The following PCDH15 variants were observed in gnomAD, a reference collection of about 807,000 sequenced individuals.
The protein encoded by PCDH15 is protocadherin related 15.
In PCDH15, 129 loss-of-function variants were observed where a neutral mutation model predicts 178.5. That is an observed-to-expected ratio of 0.72 (90% CI 0.63 to 0.84). PCDH15 has a LOEUF of 0.84. Among genes scored for constraint, PCDH15 ranks in the 40% least tolerant of loss-of-function variants. The pLI is 0.00. For synonymous variants in PCDH15, 800 were observed against 732.0 expected (o/e 1.09, Z -1.50); for missense variants, 2,230 against 2,099.9 (o/e 1.06, Z -1.21).
intron 13 of PCDH15, among the ~76,000 whole-genome samples, chr10:54,171,411 T>C (rs1235466073): frequency 6.6e-6 from 1 of 152,154 alleles, no homozygotes; most frequent in Non-Finnish European, 1.5e-5. Flanking sequence ...TTGAGCGGTA[T>C]AGATGCTCCT....
At position 55,366,416 on chromosome 10, in the gene PCDH15, C is replaced by T. The variant is rs150139019; in HGVS notation, c.-155-199765G>A. Among the ~76,000 whole-genome samples the T allele has an allele frequency of 5.8e-4, 88 of 152,074 alleles. 1 individual carries two copies. In the Middle Eastern group the frequency reaches 0.02, roughly 35 times the overall value. ...TTCCCAAACAATAATAAATTTGAAT[C>T]CATAATGAAACTATTAACATTCCTA... On this transcript the variant is annotated intron_variant, in intron 2 of 5. Coordinates refer to the PCDH15 transcript ENST00000613346.
chr10:54,003,073 A>C (rs552697259), intron 20 of PCDH15, among the ~76,000 whole-genome samples: 11 of 152,286 alleles, frequency 7.2e-5, no homozygotes, highest in African/African-American at 2.6e-4. Context: ...CAGCAGGAAA[A>C]ACTCTTGATT....
chr10:54,325,099 C>T (rs965914176), intron 7 of PCDH15, among the ~76,000 whole-genome samples: 2 of 151,918 alleles, frequency 1.3e-5, no homozygotes, highest in South Asian at 2.1e-4. Flanking sequence ...GCATGGGTGA[C>T]AATATTGCAA....
At chr10:54,885,863 A>G (rs1954349838) in intron 3 of PCDH15, among the ~76,000 whole-genome samples, 1 of 152,116 alleles carries the variant, frequency 6.6e-6, no homozygotes, top group African/African-American at 2.4e-5. Flanking sequence ...AAATGTGAAT[A>G]CACTTTTTTC....
chr10:54,287,716 A>T (rs2059121570), intron 8 of PCDH15, among the ~76,000 whole-genome samples: 1 of 152,208 alleles, frequency 6.6e-6, no homozygotes, highest in Admixed American at 6.5e-5. Flanking sequence ...TGCAATTCTG[A>T]CAAGATTAAT....
intron 1 of PCDH15, among the ~76,000 whole-genome samples, chr10:54,739,023 C>A (rs36059776): frequency 0.049 from 7,524 of 152,104 alleles, 228 homozygotes; most frequent in East Asian, 0.097. Context: ...GGCTAACTTT[C>A]ACCACTCTTA....
At chr10:54,842,722 C>G (rs776786587) in intron 3 of PCDH15, among the ~76,000 whole-genome samples, 1 of 151,768 alleles carries the variant, frequency 6.6e-6, no homozygotes, top group Non-Finnish European at 1.5e-5. Context: ...TGTATACAGT[C>G]AGTAAAATTC....
At chr10:54,974,852 T>C (rs912930854) in intron 2 of PCDH15, among the ~76,000 whole-genome samples, 9 of 152,198 alleles carry the variant, frequency 5.9e-5, no homozygotes, top group African/African-American at 1.7e-4. Context: ...GAGAACTTTT[T>C]CATGCATATT....
chr10:54,740,959 CA>C (rs1178672654), intron 1 of PCDH15, among the ~76,000 whole-genome samples: 1 of 151,790 alleles, frequency 6.6e-6, no homozygotes, highest in African/African-American at 2.4e-5. Flanking sequence ...TTTAATAACA[CA>C]GCAGGAGTAT....
intron 26 of PCDH15, among the ~76,000 whole-genome samples, chr10:53,878,758 C>T (rs1379762400): frequency 6.6e-6 from 1 of 151,888 alleles, no homozygotes; most frequent in African/African-American, 2.4e-5. Flanking sequence ...TGTGGTACCA[C>T]GTGCAGTCAG....
intron 3 of PCDH15, among the ~76,000 whole-genome samples, chr10:54,472,620 A>T (rs567346747): frequency 3.9e-5 from 6 of 152,212 alleles, no homozygotes; most frequent in Admixed American, 1.3e-4. Context: ...TGCAAGGAAC[A>T]TATAAGAGAC....
intron 2 of PCDH15, among the ~76,000 whole-genome samples, chr10:54,936,445 T>C (rs1837909649): frequency 6.6e-6 from 1 of 151,972 alleles, no homozygotes; most frequent in Non-Finnish European, 1.5e-5. Context: ...AAATACTGAG[T>C]AACTGCCAAA....
At chr10:55,578,315 T>TCTCCTGCCTC (rs1236511279) in intron 2 of PCDH15, among the ~76,000 whole-genome samples, 1 of 152,142 alleles carries the variant, frequency 6.6e-6, no homozygotes, top group Non-Finnish European at 1.5e-5. Flanking sequence ...CCTCCTGGGT[T>TCTCCTGCCTC]CAAGTGATTC....
At chr10:54,216,044 G>GAAAAAAA (rs10648282) in intron 9 of PCDH15, among the ~76,000 whole-genome samples, 10 of 70,382 alleles carry the variant, frequency 1.4e-4, no homozygotes, top group African/African-American at 2.5e-4. Context: ...CTCCGTCTCA[G>GAAAAAAA]AAAAAAAAAA....
chr10:54,595,643 A>T (rs1170685778), intron 2 of PCDH15, among the ~76,000 whole-genome samples: 1 of 152,184 alleles, frequency 6.6e-6, no homozygotes, highest in East Asian at 1.9e-4. Flanking sequence ...ATGGATAGGA[A>T]TAAAAATCAT....
intron 2 of PCDH15, among the ~76,000 whole-genome samples, chr10:55,591,261 C>G (rs896603405): frequency 3.3e-5 from 5 of 151,952 alleles, no homozygotes; most frequent in Admixed American, 2.6e-4. Flanking sequence ...AGTAATACCC[C>G]ATCTCTACCA....
intron 2 of PCDH15, among the ~76,000 whole-genome samples, chr10:55,518,491 G>C (rs1841073868): frequency 6.6e-6 from 1 of 151,960 alleles, no homozygotes; most frequent in African/African-American, 2.4e-5. Flanking sequence ...CAGACAGAAA[G>C]AGCAGAGAGT....
chr10:55,610,706 G>T (rs1384973103), intron 2 of PCDH15, among the ~76,000 whole-genome samples: 1 of 151,890 alleles, frequency 6.6e-6, no homozygotes, highest in Non-Finnish European at 1.5e-5. Context: ...CATTTATTTT[G>T]ACAGTGCTCA....
chr10:54,151,801 A>C (rs2044564700), intron 14 of PCDH15, among the ~76,000 whole-genome samples: 1 of 152,120 alleles, frequency 6.6e-6, no homozygotes, highest in Non-Finnish European at 1.5e-5. Context: ...AACAACAAAA[A>C]CACTGAACTA....
Sources: gnomAD v4.1 joint callset for allele counts (sites outside exome capture counted in the v4.1 genomes callset) on GRCh38, gnomAD v4.1.1 for gene constraint, MANE v1.5 for transcripts, NCBI Gene and HGNC (gene_info 2026-07-23, HGNC 2026-07-21) for gene names.